Variants in IQSEC1 observed in about 807,000 individuals in gnomAD.
The protein encoded by IQSEC1 is IQ motif and SEC7 domain-containing protein 1.
Under a neutral mutation model 91.0 loss-of-function variants are expected in IQSEC1, and 31 were observed. The ratio of observed to expected loss-of-function variants is 0.34; its 90% confidence interval spans 0.26 to 0.46. The LOEUF (loss-of-function observed/expected upper bound fraction) is 0.46. Among genes scored for constraint, IQSEC1 ranks in the 20% least tolerant of loss-of-function variants. The pLI is 1.00. For missense variants in IQSEC1, 1,388 were observed against 1,575.6 expected (o/e 0.88, Z 2.02); for synonymous variants, 699 against 662.6 (o/e 1.05, Z -0.84).
chr3:13,280,252 C>T (rs1052997016), intron 1 of IQSEC1, among the ~76,000 whole-genome samples: 5 of 152,202 alleles, frequency 3.3e-5, no homozygotes, highest in Admixed American at 2.6e-4. Flanking sequence ...CTCTTCCTCT[C>T]CATTCTTCCT....
At chr3:13,098,150 A>G (rs1705996085) in intron 2 of IQSEC1, among the ~76,000 whole-genome samples, 3 of 152,248 alleles carry the variant, frequency 2.0e-5, no homozygotes, top group Non-Finnish European at 2.9e-5. Context: ...TTCTTCATTA[A>G]TTCAACAAAC....
chr3:13,046,460 C>T (rs370271573), intron 1 of IQSEC1, among the ~76,000 whole-genome samples: 4 of 152,208 alleles, frequency 2.6e-5, no homozygotes, highest in South Asian at 2.1e-4. Context: ...CAGAGTCGGT[C>T]GCTCTGACAT....
rs951421953 is a variant in IQSEC1 at position 12,901,470 on chromosome 3, T to A, written c.2858A>T (p.Glu953Val). Residue 953 changes from glutamate (E) to valine (V), a missense_variant, in exon 14 of 14, where the codon GAG becomes GTG. Transcript: ENST00000613206. ...AGTCTGGTGTGGGCGAGATGGACAC[T>A]CTCGTGTTGATGTAGCTCTCCGGCG... Reference protein sequence around the residue: ...HMRRRATSTRECPSRPHQTMP... With the variant: ...HMRRRATSTRVCPSRPHQTMP... The A allele has an allele frequency of 6.7e-5, 104 of 1,549,490 alleles. No individual in the cohort carries two copies. The African/African-American group carries it at 8.5e-4, about 13-fold the overall frequency.
intron 2 of IQSEC1, among the ~76,000 whole-genome samples, chr3:13,135,266 G>C (rs2124925881): frequency 1.3e-5 from 2 of 152,346 alleles, no homozygotes; most frequent in South Asian, 4.1e-4. Context: ...CAGGGTAAGG[G>C]ACTGAGCCAC....
At chr3:13,071,153 G>GT (rs796412810) in intron 1 of IQSEC1, among the ~76,000 whole-genome samples, 1,293 of 90,940 alleles carry the variant, frequency 0.014, 36 homozygotes, top group African/African-American at 0.039. Context: ...GTTTTTTTTT[G>GT]TTTTTTTTTT....
At position 13,067,665 on chromosome 3, in the gene IQSEC1, C is replaced by T. The variant is rs550356419; in HGVS notation, c.23+5327G>A. 4.6e-5 allele frequency among the ~76,000 whole-genome samples: 7 copies of T among 152,324 alleles called. No individual in the cohort carries two copies. In the South Asian group the frequency reaches 1.2e-3, roughly 27 times the overall value. On this transcript the variant is annotated intron_variant, in intron 1 of 13. Coordinates refer to ENST00000613206, the MANE Select transcript of IQSEC1 (RefSeq NM_001134382.3). ...TCATCCCATCTCTGTGCACTGGGTG[C>T]CCACTGGCCCCACCCACAAGGGCAC...
chr3:12,915,449 C>T (rs183819304), intron 7 of IQSEC1, 145 bp downstream of exon 7: 50 of 833,288 alleles, frequency 6.0e-5, no homozygotes, highest in East Asian at 3.9e-4. Flanking sequence ...AGGAGACACT[C>T]GAAAAAACCC....
chr3:13,261,534 G>A (rs1383268181), intron 1 of IQSEC1, among the ~76,000 whole-genome samples: 2 of 151,992 alleles, frequency 1.3e-5, no homozygotes, highest in African/African-American at 4.8e-5. Context: ...ACCCCAGACA[G>A]CGAGCAAAGC....
At chr3:12,955,001 C>T (rs138572263) in intron 1 of IQSEC1, among the ~76,000 whole-genome samples, 11 of 152,332 alleles carry the variant, frequency 7.2e-5, no homozygotes, top group South Asian at 6.2e-4. Context: ...GTGGGGGCAC[C>T]GAAGCCTGGA....
chr3:12,897,837 A>T lies in IQSEC1; in HGVS notation c.*3146T>A, dbSNP rs151304987. ...GCATGCAGTGTGTGAGGGAAAGATC[A>T]CTGCACTGGGTGCTGAAGACATTTT... On this transcript the variant is annotated 3_prime_UTR_variant, in exon 14 of 14. Transcript: ENST00000613206. 1 of 152,240 alleles carries T rather than the reference A, an allele frequency of 6.6e-6. No individual in the cohort carries two copies. The highest frequency in any genetic ancestry group is 1.5e-5 in the Non-Finnish European group (1 of 68,038). 9.4% of individuals were successfully genotyped at this position (152,240 alleles called of 1,614,324 possible).
intron 1 of IQSEC1, among the ~76,000 whole-genome samples, chr3:13,054,468 A>G (rs1433676195): frequency 1.3e-5 from 2 of 152,178 alleles, no homozygotes; most frequent in African/African-American, 2.4e-5. Context: ...CGTGTCAGCC[A>G]TTGGTGTCCA....
chr3:13,249,151 T>C (rs1407569463), intron 1 of IQSEC1, among the ~76,000 whole-genome samples: 1 of 151,494 alleles, frequency 6.6e-6, no homozygotes, highest in African/African-American at 2.4e-5. Context: ...GAAACTTCCT[T>C]TGGGGGAAGG....
At chr3:13,036,640 G>A (rs572640428) in intron 1 of IQSEC1, among the ~76,000 whole-genome samples, 1 of 152,196 alleles carries the variant, frequency 6.6e-6, no homozygotes, top group African/African-American at 2.4e-5. Context: ...CGGTGTGGGG[G>A]GTGCCCGACA....
intron 1 of IQSEC1, among the ~76,000 whole-genome samples, chr3:13,189,236 T>A (rs1025157333): frequency 6.6e-6 from 1 of 152,212 alleles, no homozygotes; most frequent in Non-Finnish European, 1.5e-5. Context: ...TGGCTCCCTC[T>A]GGGCTAAGGA....
upstream of IQSEC1, among the ~76,000 whole-genome samples, chr3:13,074,276 G>A (rs1468593201): frequency 1.3e-5 from 2 of 152,148 alleles, no homozygotes; most frequent in African/African-American, 4.8e-5. Context: ...AAGCAGGGGA[G>A]GAGCTGGCGT....
chr3:13,264,224 C>T (rs552410988), intron 1 of IQSEC1, among the ~76,000 whole-genome samples: 21 of 152,302 alleles, frequency 1.4e-4, no homozygotes, highest in African/African-American at 4.8e-4. Flanking sequence ...TTTGTGTCTC[C>T]CGCCTGCCAC....
chr3:13,038,249 T>A (rs1361042566), intron 1 of IQSEC1, among the ~76,000 whole-genome samples: 1 of 76,252 alleles, frequency 1.3e-5, no homozygotes, highest in African/African-American at 5.3e-5. Context: ...AGTATATATA[T>A]GTGTGTGTGT....
At position 12,911,622 on chromosome 3, in the gene IQSEC1, G is replaced by GACTTAC; in HGVS notation, c.2416+1_2416+6dup. 1 of 1,606,810 alleles carries GACTTAC rather than the reference G, an allele frequency of 6.2e-7. No homozygotes were observed. Among genetic ancestry groups the GACTTAC allele is most frequent in the Non-Finnish European group, 8.5e-7 (1 of 1,173,558 alleles). On this transcript the variant is annotated splice_region_variant and intron_variant, in intron 10 of 13. Transcript: ENST00000613206. Reference sequence around the variant, plus strand: ...CTCTTCCAGGCAGGCCCTGGGGGCAGACTTACACTGGTTCTCGAAGAGCAG... The same window carrying GACTTAC: ...CTCTTCCAGGCAGGCCCTGGGGGCAGACTTACACTTACACTGGTTCTCGAAGAGCAG...
At chr3:13,027,370 C>T (rs1269287634) in intron 1 of IQSEC1, among the ~76,000 whole-genome samples, 1 of 152,160 alleles carries the variant, frequency 6.6e-6, no homozygotes, top group African/African-American at 2.4e-5. Context: ...AGAAGAGCTT[C>T]CGCAAGTCCA....
Sources: gnomAD v4.1 joint callset for allele counts (sites outside exome capture counted in the v4.1 genomes callset) on GRCh38, gnomAD v4.1.1 for gene constraint, MANE v1.5 for transcripts, NCBI Gene and HGNC (gene_info 2026-07-23, HGNC 2026-07-21) for gene names.